The following EPHA3 variants were observed in gnomAD, a reference collection of about 807,000 sequenced individuals.
EPHA3 encodes the protein EPH receptor A3, also known as ephrin type-A receptor 3.
Under a neutral mutation model 107.1 loss-of-function variants are expected in EPHA3, and 42 were observed. That is an observed-to-expected ratio of 0.39 (90% CI 0.31 to 0.51). The LOEUF (loss-of-function observed/expected upper bound fraction) is 0.51, where lower values mean the gene tolerates loss of function less well. Among genes scored for constraint, EPHA3 ranks in the 20% least tolerant of loss-of-function variants. The pLI, the probability that EPHA3 is intolerant of heterozygous loss-of-function variation, is 0.78. For synonymous variants in EPHA3, 461 were observed against 424.8 expected, an observed-to-expected ratio of 1.09 and a Z score of -1.05; for missense variants, 1,183 against 1,211.2, an observed-to-expected ratio of 0.98 and a Z score of 0.35.
rs1559706231 is a variant in EPHA3 at position 89,466,703 on chromosome 3, C to T, written c.2691-5761C>T. 1.5e-5 allele frequency among the ~76,000 whole-genome samples: 2 copies of T among 133,618 alleles called. 1 individual carries two copies. 87.7% of individuals were successfully genotyped at this position (133,618 alleles called of 152,430 possible). A position where few individuals can be genotyped will look rare whatever the true frequency, so the allele number is the denominator to read the frequency against. ...CCTGCTTCGGCTCGCGCACGGTGCG[C>T]ACACACACTGGCCTGCGCCCACTGT... On this transcript the variant is annotated intron_variant, in intron 15 of 16. Coordinates refer to ENST00000336596, the MANE Select transcript of EPHA3 (RefSeq NM_005233.6).
intron 3 of EPHA3, among the ~76,000 whole-genome samples, chr3:89,336,647 C>T (rs1438548226): frequency 3.3e-5 from 5 of 152,014 alleles, no homozygotes; most frequent in Non-Finnish European, 7.4e-5. Flanking sequence ...TATATGCCTC[C>T]CAAATACAGC....
chr3:89,354,251 T>C (rs1469511501), intron 5 of EPHA3, among the ~76,000 whole-genome samples: 4 of 151,314 alleles, frequency 2.6e-5, no homozygotes, highest in Non-Finnish European at 4.4e-5. Context: ...TAGCATCGTA[T>C]GTGAGTAATT....
chr3:89,196,310 T>C (rs1225642996), intron 2 of EPHA3, among the ~76,000 whole-genome samples: 1 of 152,158 alleles, frequency 6.6e-6, no homozygotes, highest in African/African-American at 2.4e-5. Flanking sequence ...CTCTCTGGCT[T>C]CCGTCATTGC....
intron 5 of EPHA3, among the ~76,000 whole-genome samples, chr3:89,369,041 T>C (rs1708240116): frequency 6.6e-6 from 1 of 150,564 alleles, no homozygotes; most frequent in Admixed American, 6.7e-5. Flanking sequence ...CCCACATTCT[T>C]AGTCATCGTT....
At chr3:89,338,261 C>A (rs777749184) in intron 3 of EPHA3, among the ~76,000 whole-genome samples, 12 of 152,100 alleles carry the variant, frequency 7.9e-5, no homozygotes, top group Non-Finnish European at 1.8e-4. Context: ...CCATAAAATT[C>A]TATGTAACAG....
At position 89,481,778 on chromosome 3, in the gene EPHA3, A is replaced by G. The variant is rs1710625104; in HGVS notation, c.*2276A>G. 4.3e-6 allele frequency: 1 copy of G among 232,022 alleles called. No homozygotes were observed. Among genetic ancestry groups the G allele is most frequent in the Admixed American group, 5.6e-5 (1 of 17,728 alleles). 14.4% of individuals were successfully genotyped at this position (232,022 alleles called of 1,614,324 possible). Reference sequence around the variant, plus strand: ...TTCTTAACCATGGAGTAGAGGTACTAGAATGCTTACGGCCATCTCTTTGTA... The same window carrying G: ...TTCTTAACCATGGAGTAGAGGTACTGGAATGCTTACGGCCATCTCTTTGTA... On this transcript the variant is annotated 3_prime_UTR_variant, in exon 17 of 17. Coordinates refer to ENST00000336596, the MANE Select transcript of EPHA3 (RefSeq NM_005233.6).
At chr3:89,220,124 A>G (rs1187723045) in intron 3 of EPHA3, among the ~76,000 whole-genome samples, 2 of 152,180 alleles carry the variant, frequency 1.3e-5, no homozygotes, top group Non-Finnish European at 2.9e-5. Context: ...TTTATAGCAA[A>G]GAGTTATGCA....
intron 5 of EPHA3, among the ~76,000 whole-genome samples, chr3:89,384,077 C>G (rs1311339205): frequency 6.6e-6 from 1 of 152,024 alleles, no homozygotes; most frequent in African/African-American, 2.4e-5. Context: ...TTGGAGCCAT[C>G]TATACTGAGA....
intron 15 of EPHA3, among the ~76,000 whole-genome samples, chr3:89,469,415 G>T (rs1185035192): frequency 6.6e-6 from 1 of 152,052 alleles, no homozygotes; most frequent in Admixed American, 6.6e-5. Context: ...TTCATGCATC[G>T]CTGTAAAAAT....
intron 8 of EPHA3, 33 bp downstream of exon 8, chr3:89,407,404 C>A (rs1308560693): frequency 6.5e-7 from 1 of 1,542,582 alleles, no homozygotes. Context: ...TATTCACTTT[C>A]TTTGTTGCTT....
intron 7 of EPHA3, among the ~76,000 whole-genome samples, chr3:89,403,905 A>G (rs574740830): frequency 6.6e-6 from 1 of 152,194 alleles, no homozygotes; most frequent in Admixed American, 6.5e-5. Context: ...AGCCTCATAT[A>G]GTAGGTACTC....
chr3:89,263,621 T>C (rs1028748020), intron 3 of EPHA3, among the ~76,000 whole-genome samples: 1 of 152,114 alleles, frequency 6.6e-6, no homozygotes, highest in Non-Finnish European at 1.5e-5. Context: ...AAGCTGTCTC[T>C]CTGAAGTCAA....
chr3:89,197,201 A>G (rs1313339814), intron 2 of EPHA3, among the ~76,000 whole-genome samples: 1 of 152,214 alleles, frequency 6.6e-6, no homozygotes, highest in East Asian at 1.9e-4. Context: ...CATCTTGATC[A>G]TAATGGTAGT....
chr3:89,364,748 G>C (rs1425102260), intron 5 of EPHA3, among the ~76,000 whole-genome samples: 1 of 151,008 alleles, frequency 6.6e-6, no homozygotes, highest in Non-Finnish European at 1.5e-5. Context: ...AAAGAATTAT[G>C]TTAAACCTGC....
intron 9 of EPHA3, among the ~76,000 whole-genome samples, chr3:89,412,033 A>G (rs1344686314): frequency 6.6e-6 from 1 of 151,906 alleles, no homozygotes; most frequent in Non-Finnish European, 1.5e-5. Context: ...TATCAAAATT[A>G]AAAGCAAAAT....
intron 3 of EPHA3, among the ~76,000 whole-genome samples, chr3:89,338,823 C>T (rs532708516): frequency 1.3e-5 from 2 of 152,292 alleles, no homozygotes; most frequent in South Asian, 4.1e-4. Flanking sequence ...ATTCACTAAA[C>T]ACTCAGTCAC....
In EPHA3 at chr3:89,359,713, G is replaced by GTA. The variant is rs1000520787; in HGVS notation, c.1306+17634_1306+17635dup. ...TATATACGTTATATATTGTGTGTGTGTATATATATATACATACATATATAC... is the reference window on the plus strand; with the variant it reads ...TATATACGTTATATATTGTGTGTGTGTATATATATATATACATACATATATAC... On this transcript the variant is annotated intron_variant, in intron 5 of 16. Coordinates refer to ENST00000336596, the MANE Select transcript of EPHA3 (RefSeq NM_005233.6). 6.8e-4 allele frequency among the ~76,000 whole-genome samples: 93 copies of GTA among 136,670 alleles called. 1 individual carries two copies. Among genetic ancestry groups the GTA allele is most frequent in the Admixed American group, 9.9e-4 (13 of 13,184 alleles). The allele number at this position is 136,670 out of a possible 152,430, so 89.7% of individuals were successfully genotyped here. A position where few individuals can be genotyped will look rare whatever the true frequency, so the allele number is the denominator to read the frequency against.
At chr3:89,334,415 T>G (rs1168697329) in intron 3 of EPHA3, among the ~76,000 whole-genome samples, 2 of 152,230 alleles carry the variant, frequency 1.3e-5, no homozygotes, top group African/African-American at 4.8e-5. Context: ...ATGAAGTTAA[T>G]TTGTTCTTTT....
At chr3:89,256,895 T>C (rs1378307884) in intron 3 of EPHA3, among the ~76,000 whole-genome samples, 1 of 152,196 alleles carries the variant, frequency 6.6e-6, no homozygotes, top group Admixed American at 6.5e-5. Context: ...TATGAGCACA[T>C]GTCCTTAGAG....
Sources: allele counts gnomAD v4.1 joint callset (sites outside exome capture counted in the v4.1 genomes callset), GRCh38; gene constraint gnomAD v4.1.1; transcripts MANE v1.5; gene names NCBI Gene and HGNC (gene_info 2026-07-23, HGNC 2026-07-21).